STK26: variants seen among roughly 807,000 people sequenced by gnomAD.
STK26 encodes serine/threonine kinase 26, also known as serine/threonine-protein kinase 26.
Under a neutral mutation model 34.7 loss-of-function variants are expected in STK26, and 14 were observed. The observed-to-expected ratio is 0.40, with a 90% CI of 0.27 to 0.63. The LOEUF is 0.63. Among genes scored for constraint, STK26 ranks in the 30% least tolerant of loss-of-function variants. STK26 has a pLI of 0.38. For missense variants in STK26, 226 were observed against 309.1 expected, an observed-to-expected ratio of 0.73 and a Z score of 2.02; for synonymous variants, 100 against 109.8, an observed-to-expected ratio of 0.91 and a Z score of 0.56.
chrX:132,047,648 G>GA (rs969539567), intron 2 of STK26, among the ~76,000 whole-genome samples: 25 of 108,007 alleles, frequency 2.3e-4, no homozygotes, highest in Non-Finnish European at 3.1e-4. Flanking sequence ...TATTGACATG[G>GA]AAAAAAAAAT....
At chrX:132,054,961 A>G (rs1926807165) in intron 3 of STK26, 100 bp downstream of exon 3, 12 of 721,379 alleles carry the variant, frequency 1.7e-5, no homozygotes, top group Non-Finnish European at 2.0e-5. Context: ...AGGATTTGGC[A>G]GTCTATGGCT....
chrX:132,074,143 C>T lies in STK26; in HGVS notation c.1235C>T (p.Ala412Val). 1 of 1,205,044 alleles carries T rather than the reference C, an allele frequency of 8.3e-7. No individual in the cohort carries two copies. Among genetic ancestry groups the T allele is most frequent in the East Asian group, 3.0e-5 (1 of 33,658 alleles). ...TTTTAAAAATTTTATAGGTGTTCAGCAGACGAATCCCCCTAAGAAACTTAT... is the reference window on the plus strand; with the variant it reads ...TTTTAAAAATTTTATAGGTGTTCAGTAGACGAATCCCCCTAAGAAACTTAT... ...KLIEKFQKCS[A>V]DESP Residue 412 changes from alanine to valine, a missense_variant, in exon 12 of 12, where the codon GCA becomes GTA. Physicochemically the swap from Ala to Val is moderately conservative, Grantham distance 64 (BLOSUM62 0). This residue lies in a region of STK26 where 126 missense variants were observed against 132.4 expected (regional missense o/e 0.95). Transcript: ENST00000394334.
chrX:132,034,638 G>GTTTTTAT (rs956686891), intron 2 of STK26, among the ~76,000 whole-genome samples: 1 of 111,560 alleles, frequency 9.0e-6, no homozygotes, highest in Non-Finnish European at 1.9e-5. Flanking sequence ...GGAGGTTTGG[G>GTTTTTAT]TTTTTATTTT....
At chrX:132,057,924 G>A (rs1389396017) in intron 3 of STK26, among the ~76,000 whole-genome samples, 1 of 111,817 alleles carries the variant, frequency 8.9e-6, no homozygotes, top group Non-Finnish European at 1.9e-5. Flanking sequence ...TATAGATGAT[G>A]CACAAATTAG....
chrX:132,041,736 A>G (rs1311458670), intron 2 of STK26, among the ~76,000 whole-genome samples: 1 of 110,587 alleles, frequency 9.0e-6, no homozygotes, highest in Non-Finnish European at 1.9e-5. Context: ...AACAGACTAT[A>G]TAGCATTTTT....
At chrX:132,024,693 T>G (rs1040906105) in intron 2 of STK26, among the ~76,000 whole-genome samples, 22 of 111,010 alleles carry the variant, frequency 2.0e-4, no homozygotes, top group Non-Finnish European at 2.5e-4. Flanking sequence ...AGCTTATATT[T>G]CTAGTAGAAA....
At chrX:132,029,776 C>T (rs764824522) in intron 2 of STK26, among the ~76,000 whole-genome samples, 1 of 111,215 alleles carries the variant, frequency 9.0e-6, no homozygotes, top group Admixed American at 9.6e-5. Flanking sequence ...TCTGAATGTC[C>T]CAGGCTATAG....
Position 132,073,342 on chromosome X carries a change from A to G in STK26, c.1226+249A>G, listed in dbSNP as rs1602782941. Among the ~76,000 whole-genome samples the G allele has an allele frequency of 3.6e-5, 4 of 111,921 alleles. No individual in the cohort carries two copies. In the South Asian group the frequency reaches 1.5e-3, roughly 41 times the overall value. Reference sequence around the variant, plus strand: ...TGAAATGACCTGTTTTTCTTTCTCCACTAGTAGGATTATAGACAAAAGGTC... The same window carrying G: ...TGAAATGACCTGTTTTTCTTTCTCCGCTAGTAGGATTATAGACAAAAGGTC... On this transcript the variant is annotated intron_variant, in intron 11 of 11. Coordinates refer to ENST00000394334, the MANE Select transcript of STK26 (RefSeq NM_016542.4).
At chrX:132,027,580 T>A (rs1187801417) in intron 2 of STK26, among the ~76,000 whole-genome samples, 1 of 111,515 alleles carries the variant, frequency 9.0e-6, no homozygotes, top group Non-Finnish European at 1.9e-5. Flanking sequence ...ACACAATCTT[T>A]GAGAACAGGA....
In STK26 at chrX:132,068,525, T is replaced by G; in HGVS notation, c.553T>G (p.Trp185Gly). ...KRNTFVGTPFWMAPEVIQQSA... is the reference protein window; with the variant it reads ...KRNTFVGTPFGMAPEVIQQSA... ...AAATACCTTTGTGGGAACTCCATTT[T>G]GGATGGCTCCTGAAGTTATTCAACA... Residue 185 changes from tryptophan (W) to glycine (G), a missense_variant, in exon 6 of 12, where the codon TGG becomes GGG. Physicochemically the swap from Trp to Gly is radical, Grantham distance 184. Around this residue, in one of 2 missense-constraint regions of STK26, gnomAD observed 100 missense variants for 176.7 expected, o/e 0.57. Transcript: ENST00000394334. 1 of 1,211,493 alleles carries G rather than the reference T, an allele frequency of 8.3e-7. No individual in the cohort carries two copies. Among genetic ancestry groups the G allele is most frequent in the Non-Finnish European group, 1.1e-6 (1 of 895,273 alleles).
Position 132,069,622 on chromosome X carries a change from A to G in STK26, c.742A>G (p.Lys248Glu), listed in dbSNP as rs1422332468. The G allele has an allele frequency of 8.6e-7, 1 of 1,158,852 alleles. No homozygotes were observed. Among genetic ancestry groups the G allele is most frequent in the Admixed American group, 2.6e-5 (1 of 39,008 alleles). The change falls in exon 7 of 12, where the codon AAG (lysine) becomes GAG (glutamate). Residue 248 changes from lysine to glutamate, a missense_variant. This residue lies in a region of STK26 where 126 missense variants were observed against 132.4 expected (regional missense o/e 0.95). Transcript: ENST00000394334. ...TGTTGGAGACTTTACTAAGTCTTTT[A>G]AGGAGTTTATTGATGCTTGCCTGAA... ...TLVGDFTKSF[K>E]EFIDACLNKD...
intron 2 of STK26, among the ~76,000 whole-genome samples, chrX:132,050,236 C>A (rs1926638461): frequency 1.8e-5 from 2 of 111,612 alleles, no homozygotes; most frequent in Admixed American, 1.9e-4. Context: ...AAAATTTTAT[C>A]CTTCATCAAT....
At position 132,074,126 on chromosome X, in the gene STK26, A is replaced by C; in HGVS notation, c.1227-9A>C. The stretch of plus-strand genomic sequence containing the variant: ...GTACATTGGTTTAAATTTTTTAAAA[A>C]TTTTATAGGTGTTCAGCAGACGAAT... On this transcript the variant is annotated splice_polypyrimidine_tract_variant and intron_variant, in intron 11 of 11. Coordinates refer to ENST00000394334, the MANE Select transcript of STK26 (RefSeq NM_016542.4). 8.3e-7 allele frequency: 1 copy of C among 1,201,317 alleles called. No individual in the cohort carries two copies. The highest frequency in any genetic ancestry group is 1.7e-5 in the African/African-American group (1 of 57,285).
intron 2 of STK26, among the ~76,000 whole-genome samples, chrX:132,028,762 C>T (rs981707585): frequency 9.0e-6 from 1 of 110,700 alleles, no homozygotes; most frequent in Non-Finnish European, 1.9e-5. Context: ...AGAGAGTTAA[C>T]TGGGGTGGGG....
intron 4 of STK26, among the ~76,000 whole-genome samples, chrX:132,064,664 C>T (rs1254048539): frequency 2.7e-5 from 3 of 111,324 alleles, no homozygotes; most frequent in Admixed American, 9.5e-5. Flanking sequence ...ACTTCCTGGA[C>T]GTAGGTGTTC....
intron 2 of STK26, among the ~76,000 whole-genome samples, chrX:132,049,540 G>C (rs1439679084): frequency 1.8e-5 from 2 of 111,919 alleles, no homozygotes; most frequent in Non-Finnish European, 3.8e-5. Context: ...TGGGAGAACT[G>C]ATTTGATCAA....
intron 2 of STK26, among the ~76,000 whole-genome samples, chrX:132,034,245 A>G (rs1243344703): frequency 1.1e-5 from 1 of 94,853 alleles, no homozygotes; most frequent in Non-Finnish European, 2.0e-5. Flanking sequence ...GAATTGTGTT[A>G]GGGCTAGACT....
At chrX:132,029,365 GA>G (rs1487839638) in intron 2 of STK26, among the ~76,000 whole-genome samples, 1 of 111,880 alleles carries the variant, frequency 8.9e-6, no homozygotes, top group African/African-American at 3.3e-5. Flanking sequence ...TTGCCTCAAT[GA>G]GAGGTTATTA....
chrX:132,044,828 TAG>T (rs767044039), intron 2 of STK26, among the ~76,000 whole-genome samples: 5 of 53,022 alleles, frequency 9.4e-5, no homozygotes, highest in African/African-American at 4.3e-4. Context: ...TTTATATATA[TAG>T]AGAGAGATCT....
Sources: gnomAD v4.1 joint callset for allele counts (sites outside exome capture counted in the v4.1 genomes callset) on GRCh38, gnomAD v4.1.1 for gene constraint, gnomAD v4.1.1 regional missense constraint, MANE v1.5 for transcripts, NCBI Gene and HGNC (gene_info 2026-07-23, HGNC 2026-07-21) for gene names.